The following PMM2 variants were observed in gnomAD, a reference collection of about 807,000 sequenced individuals.
PMM2 encodes the protein mannose-6-phosphate isomerase.
In PMM2, 35 loss-of-function variants were observed where a neutral mutation model predicts 33.2. The ratio of observed to expected loss-of-function variants is 1.06; its 90% CI spans 0.81 to 1.40. The LOEUF is 1.40. PMM2 is among the 40% of genes most tolerant of loss of function. PMM2 has a pLI of 0.00. For missense variants in PMM2, 386 were observed against 306.0 expected (o/e 1.26, Z -1.95); for synonymous variants, 153 against 114.7 (o/e 1.33, Z -2.13).
intron 7 of PMM2, among the ~76,000 whole-genome samples, chr16:8,830,256 A>G (rs990605613): frequency 6.6e-6 from 1 of 152,208 alleles, no homozygotes; most frequent in African/African-American, 2.4e-5. Flanking sequence ...GATAGCCACA[A>G]GGGAGATCAC....
intron 7 of PMM2, among the ~76,000 whole-genome samples, chr16:8,844,133 C>A (rs1323258884): frequency 2.0e-5 from 3 of 152,160 alleles, no homozygotes; most frequent in African/African-American, 7.2e-5. Context: ...CTATTTGGAA[C>A]TACTGTCGAG....
Position 8,847,715 on chromosome 16 carries a change from T to G in PMM2, c.640-9T>G, listed in dbSNP as rs370160676. ...GGGGAGCCTTCATCTGTACTTCGTG[T>G]CTTTCCAGGGTGGCAATGACCATGA... On this transcript the variant is annotated splice_polypyrimidine_tract_variant and intron_variant, in intron 7 of 7. Coordinates refer to ENST00000268261, the MANE Select transcript of PMM2 (RefSeq NM_000303.3). 21 of 1,606,178 alleles carry G rather than the reference T, an allele frequency of 1.3e-5. No homozygotes were observed. Among genetic ancestry groups the G allele is most frequent in the Non-Finnish European group, 1.7e-5 (20 of 1,172,990 alleles).
At chr16:8,832,075 A>C in intron 7 of PMM2, 3 of 917,458 alleles carry the variant, frequency 3.3e-6, no homozygotes, top group Non-Finnish European at 3.9e-6. Context: ...GAGGGCAGCC[A>C]GCTTTCCTTT....
At chr16:8,801,946 A>G in intron 2 of PMM2, 36 bp downstream of exon 2, 1 of 1,369,756 alleles carries the variant, frequency 7.3e-7, no homozygotes, top group Non-Finnish European at 1.0e-6. Context: ...CTGGTAAAAG[A>G]TTAACTTCTT....
At chr16:8,836,102 A>C (rs28846109) in intron 7 of PMM2, among the ~76,000 whole-genome samples, 1,707 of 151,752 alleles carry the variant, frequency 0.011, 39 homozygotes, top group African/African-American at 0.039. Context: ...CCTGGCCGTC[A>C]ATACCCACAA....
chr16:8,836,469 A>G (rs1186214762), intron 7 of PMM2, among the ~76,000 whole-genome samples: 1 of 152,034 alleles, frequency 6.6e-6, no homozygotes, highest in African/African-American at 2.4e-5. Flanking sequence ...GATTTCCAGC[A>G]CGTGTAGCAA....
At chr16:8,822,112 G>A (rs1248101725) in intron 7 of PMM2, among the ~76,000 whole-genome samples, 4 of 152,212 alleles carry the variant, frequency 2.6e-5, no homozygotes, top group African/African-American at 9.6e-5. Context: ...GGGGATCAGA[G>A]TTTTTAAGGA....
intron 7 of PMM2, among the ~76,000 whole-genome samples, chr16:8,826,812 T>C (rs1240278483): frequency 6.6e-6 from 1 of 152,174 alleles, no homozygotes; most frequent in Non-Finnish European, 1.5e-5. Context: ...TTTTCCCCAT[T>C]TTACAAATCT....
chr16:8,822,374 C>G (rs772780789), intron 7 of PMM2, among the ~76,000 whole-genome samples: 1 of 152,176 alleles, frequency 6.6e-6, no homozygotes, highest in Non-Finnish European at 1.5e-5. Context: ...TGGGGAGGTT[C>G]AGACTCTTGT....
chr16:8,838,437 GTGT>G (rs990630489), intron 7 of PMM2, among the ~76,000 whole-genome samples: 24 of 151,978 alleles, frequency 1.6e-4, no homozygotes, highest in African/African-American at 4.3e-4. Context: ...AAATAAAATA[GTGT>G]TGAAGTATTG....
chr16:8,840,024 G>A (rs930977649), intron 7 of PMM2, among the ~76,000 whole-genome samples: 20 of 151,888 alleles, frequency 1.3e-4, no homozygotes, highest in Non-Finnish European at 2.2e-4. Flanking sequence ...CAGGAAGTTC[G>A]GAGGTGTAGG....
intron 7 of PMM2, among the ~76,000 whole-genome samples, chr16:8,815,511 G>A (rs188151513): frequency 1.4e-4 from 21 of 152,324 alleles, no homozygotes; most frequent in Admixed American, 3.9e-4. Context: ...GATTACAGGC[G>A]TGAGCCAGCG....
intron 7 of PMM2, among the ~76,000 whole-genome samples, chr16:8,837,399 G>A (rs936296447): frequency 2.6e-5 from 4 of 151,986 alleles, no homozygotes; most frequent in African/African-American, 4.8e-5. Context: ...TTTAGGTCAG[G>A]TGTGAGTTGA....
At chr16:8,821,554 C>T (rs928096570) in intron 7 of PMM2, among the ~76,000 whole-genome samples, 5 of 152,184 alleles carry the variant, frequency 3.3e-5, no homozygotes, top group South Asian at 2.1e-4. Context: ...CCTTGATGTC[C>T]GCAGAATCGG....
At chr16:8,802,292 T>C (rs925209460) in intron 2 of PMM2, 2 of 455,560 alleles carry the variant, frequency 4.4e-6, no homozygotes, top group Admixed American at 4.7e-5. Flanking sequence ...TGAAACAGAA[T>C]CTCCAGCACA....
chr16:8,846,323 T>C (rs1170700735), intron 7 of PMM2, among the ~76,000 whole-genome samples: 1 of 152,250 alleles, frequency 6.6e-6, no homozygotes, highest in Non-Finnish European at 1.5e-5. Flanking sequence ...GTTGGCTTCA[T>C]GCTCGGTGCT....
intron 7 of PMM2, among the ~76,000 whole-genome samples, chr16:8,830,317 G>A (rs1181223010): frequency 6.6e-6 from 1 of 152,190 alleles, no homozygotes; most frequent in East Asian, 1.9e-4. Flanking sequence ...CTTGCCCACA[G>A]CCTAGACAGC....
intron 1 of PMM2, 76 bp from the exon 2 acceptor site, chr16:8,801,723 T>C: frequency 1.1e-6 from 1 of 921,194 alleles, no homozygotes; most frequent in Non-Finnish European, 1.7e-6. Context: ...CTTATGTACT[T>C]GTGTTACCCT....
chr16:8,832,797 G>C, intron 7 of PMM2: 2 of 985,314 alleles, frequency 2.0e-6, no homozygotes, highest in Non-Finnish European at 2.4e-6. Flanking sequence ...GCTGTGGCCC[G>C]GCCCCAGCCC....
Sources: gnomAD v4.1 joint callset for allele counts (sites outside exome capture counted in the v4.1 genomes callset) on GRCh38, gnomAD v4.1.1 for gene constraint, MANE v1.5 for transcripts, NCBI Gene and HGNC (gene_info 2026-07-23, HGNC 2026-07-21) for gene names.